GRIN2B: variants seen among roughly 807,000 people sequenced by gnomAD.
GRIN2B encodes glutamate ionotropic receptor NMDA type subunit 2B.
Under a neutral mutation model 114.5 loss-of-function variants are expected in GRIN2B, and 5 were observed. The observed-to-expected ratio is 0.04, with a 90% CI of 0.02 to 0.09. The LOEUF is 0.09. Among genes scored for constraint, GRIN2B ranks in the 10% least tolerant of loss-of-function variants. The probability of loss-of-function intolerance (pLI) is 1.00; values close to 1 mark genes in which losing one functional copy is unlikely to be tolerated. For synonymous variants in GRIN2B, 787 were observed against 745.1 expected, an observed-to-expected ratio of 1.06 and a Z score of -0.92; for missense variants, 1,108 against 1,943.5, an observed-to-expected ratio of 0.57 and a Z score of 8.08.
intron 2 of GRIN2B, among the ~76,000 whole-genome samples, chr12:13,871,721 CA>C (rs60305175): frequency 0.11 from 13,677 of 122,602 alleles, 656 homozygotes; most frequent in Middle Eastern, 0.15. Flanking sequence ...CAAGATGAAT[CA>C]AAAAAAAAAA....
chr12:13,692,769 T>C (rs71448873), intron 4 of GRIN2B, among the ~76,000 whole-genome samples: 25,359 of 112,328 alleles, frequency 0.23, 3,565 homozygotes, highest in East Asian at 0.66. Context: ...TCTTTTTTTT[T>C]TTTTTTTTTT....
At chr12:13,674,473 C>T (rs1056443635) in intron 5 of GRIN2B, among the ~76,000 whole-genome samples, 2 of 151,992 alleles carry the variant, frequency 1.3e-5, no homozygotes, top group African/African-American at 4.8e-5. Context: ...GAATTAGATC[C>T]TGGATTCTAC....
chr12:13,661,669 G>C (rs747813318), intron 5 of GRIN2B, among the ~76,000 whole-genome samples: 1 of 152,128 alleles, frequency 6.6e-6, no homozygotes, highest in African/African-American at 2.4e-5. Context: ...GTCTGCAGGG[G>C]CTAGGTAGAT....
chr12:13,855,981 A>G (rs1865654371), intron 3 of GRIN2B, among the ~76,000 whole-genome samples: 1 of 152,166 alleles, frequency 6.6e-6, no homozygotes, highest in African/African-American at 2.4e-5. Context: ...CAATGAGCCT[A>G]CTCTACAGCA....
Position 13,753,880 on chromosome 12 carries a change from T to A in GRIN2B, c.447A>T (p.Ser149=), listed in dbSNP as rs1309787373. The change falls in exon 4 of 14, where the codon TCA becomes TCT. Residue 149 remains serine, a synonymous_variant. Transcript: ENST00000609686. The surrounding 1 kb of genome is among the most constrained non-coding windows in gnomAD (Gnocchi z 6.2). The stretch of plus-strand genomic sequence containing the variant: ...GCATTACGGAAGCTTGCTGTTCAAT[T>A]GATGGGCCAAACTGGAAGAACATGG... ...ESSMFFQFGP[S]IEQQASVMLN... 3.1e-6 allele frequency: 5 copies of A among 1,612,920 alleles called. No individual in the cohort carries two copies. Among genetic ancestry groups the A allele is most frequent in the Non-Finnish European group, 3.4e-6 (4 of 1,179,138 alleles).
At chr12:13,693,129 T>A (rs1950229641) in intron 4 of GRIN2B, among the ~76,000 whole-genome samples, 1 of 152,050 alleles carries the variant, frequency 6.6e-6, no homozygotes, top group South Asian at 2.1e-4. Flanking sequence ...ATTAGAAGTG[T>A]GTTAGGTCTT....
At chr12:13,906,730 C>G (rs1366218139) in intron 2 of GRIN2B, among the ~76,000 whole-genome samples, 1 of 152,162 alleles carries the variant, frequency 6.6e-6, no homozygotes, top group Non-Finnish European at 1.5e-5. Context: ...GAACAAACTG[C>G]TCTAGCAATG....
At position 13,866,192 on chromosome 12, in the gene GRIN2B, T is replaced by A; in HGVS notation, c.17A>T (p.Glu6Val). ...CAACCAGAACTTGGGAGAACAGCAC[T>A]CCGCTCTGGGCTTCATCTTCAACTC... MKPRA[E>V]CCSPKFWLVL... Residue 6 changes from glutamate (E) to valine (V), a missense_variant, in exon 3 of 14, where the codon GAG (glutamate) becomes GTG (valine). By Grantham distance (121) the Glu-to-Val change is moderately radical (BLOSUM62 -2). Around this residue, in one of 19 missense-constraint regions of GRIN2B, gnomAD observed 46 missense variants for 44.4 expected, o/e 1.04. Coordinates refer to ENST00000609686, the MANE Select transcript of GRIN2B (RefSeq NM_000834.5). The A allele has an allele frequency of 6.2e-7, 1 of 1,609,688 alleles. No individual in the cohort carries two copies. The highest frequency in any genetic ancestry group is 8.5e-7 in the Non-Finnish European group (1 of 1,179,942).
intron 3 of GRIN2B, among the ~76,000 whole-genome samples, chr12:13,822,816 G>A (rs779474706): frequency 9.2e-5 from 14 of 152,100 alleles, no homozygotes; most frequent in South Asian, 6.2e-4. Context: ...GATGACTGGC[G>A]TTCCAATCTT....
chr12:13,710,747 A>G (rs1486264806), intron 4 of GRIN2B, among the ~76,000 whole-genome samples: 4 of 152,226 alleles, frequency 2.6e-5, no homozygotes, highest in African/African-American at 9.6e-5. Context: ...AAATGGAAGA[A>G]CATTCCATGC....
intron 3 of GRIN2B, among the ~76,000 whole-genome samples, chr12:13,854,349 A>C (rs1416391350): frequency 6.6e-6 from 1 of 152,106 alleles, no homozygotes; most frequent in Non-Finnish European, 1.5e-5. Context: ...GTCTCTATTA[A>C]AAACACAAAA....
chr12:13,868,887 C>T (rs1016628799), intron 2 of GRIN2B, among the ~76,000 whole-genome samples: 1 of 152,176 alleles, frequency 6.6e-6, no homozygotes, highest in South Asian at 2.1e-4. Context: ...GACAAAGAGG[C>T]TACTTTGAAT....
In GRIN2B at chr12:13,569,929, C is replaced by T. The variant is rs1555103635; in HGVS notation, c.2260G>A (p.Gly754Arg). The change falls in exon 12 of 14, where the codon GGG becomes AGG. Residue 754 changes from glycine (G) to arginine (R), a missense_variant. Transcript: ENST00000609686. ...TAGCCAGTGGAAGCAAAGACCTTCCCACTGCCAATGGTCACCAGCTTGCAG... is the reference window on the plus strand; with the variant it reads ...TAGCCAGTGGAAGCAAAGACCTTCCTACTGCCAATGGTCACCAGCTTGCAG... ...EGCKLVTIGSGKVFASTGYGI... is the reference protein window; with the variant it reads ...EGCKLVTIGSRKVFASTGYGI... The T allele has an allele frequency of 1.2e-6, 2 of 1,612,942 alleles. No homozygotes were observed. Among genetic ancestry groups the T allele is most frequent in the Non-Finnish European group, 8.5e-7 (1 of 1,178,940 alleles).
intron 10 of GRIN2B, among the ~76,000 whole-genome samples, chr12:13,586,283 A>G (rs1948924301): frequency 6.6e-6 from 1 of 152,220 alleles, no homozygotes; most frequent in Non-Finnish European, 1.5e-5. Context: ...TATTCCAGGA[A>G]TATCCTAGAA....
intron 2 of GRIN2B, among the ~76,000 whole-genome samples, chr12:13,867,833 T>C (rs1164139535): frequency 1.3e-5 from 2 of 150,294 alleles, no homozygotes; most frequent in Non-Finnish European, 2.9e-5. Context: ...CTCATTCTTC[T>C]ACAAAGAGAG....
At chr12:13,863,731 A>T (rs890769583) in intron 3 of GRIN2B, among the ~76,000 whole-genome samples, 1 of 152,182 alleles carries the variant, frequency 6.6e-6, no homozygotes, top group African/African-American at 2.4e-5. Flanking sequence ...TTGTATAATG[A>T]TGTTGTGGAT....
intron 5 of GRIN2B, among the ~76,000 whole-genome samples, chr12:13,657,610 C>T (rs1949879035): frequency 6.6e-6 from 1 of 152,156 alleles, no homozygotes; most frequent in African/African-American, 2.4e-5. Context: ...GATCTTCCTA[C>T]TATCAATACA....
intron 4 of GRIN2B, among the ~76,000 whole-genome samples, chr12:13,696,775 T>C (rs529063091): frequency 6.6e-6 from 1 of 152,290 alleles, no homozygotes; most frequent in South Asian, 2.1e-4. Context: ...GTAAGTGAGC[T>C]CTTCATTATC....
intron 3 of GRIN2B, among the ~76,000 whole-genome samples, chr12:13,863,541 T>C (rs1565566742): frequency 6.6e-6 from 1 of 152,202 alleles, no homozygotes; most frequent in Non-Finnish European, 1.5e-5. Flanking sequence ...AGTTTCCCCA[T>C]CTGTAAGATA....
Sources: gnomAD v4.1 joint callset for allele counts (sites outside exome capture counted in the v4.1 genomes callset) on GRCh38, gnomAD v4.1.1 for gene constraint, gnomAD v4.1.1 regional missense constraint, Gnocchi (gnomAD v3.1) non-coding constraint, MANE v1.5 for transcripts, NCBI Gene and HGNC (gene_info 2026-07-23, HGNC 2026-07-21) for gene names.